The following BTAF1 variants were observed in gnomAD, a reference collection of about 807,000 sequenced individuals.
The protein encoded by BTAF1 is B-TFIID TATA-box binding protein associated factor 1.
A neutral mutation model predicts 227.1 loss-of-function variants in BTAF1; 38 were observed. That is an observed-to-expected ratio of 0.17 (90% CI 0.13 to 0.22). The LOEUF is 0.22. BTAF1 is among the 10% of genes least tolerant of loss of function. The pLI is 1.00. For synonymous variants in BTAF1, 742 were observed against 751.9 expected (o/e 0.99, Z 0.21); for missense variants, 1,598 against 2,204.0 (o/e 0.73, Z 5.51).
intron 25 of BTAF1, among the ~76,000 whole-genome samples, chr10:92,007,083 A>G (rs905513923): frequency 6.6e-6 from 1 of 151,626 alleles, no homozygotes; most frequent in African/African-American, 2.4e-5. Context: ...TCCTCAACAG[A>G]TTGTACTTTG....
Position 92,009,177 on chromosome 10 carries a change from C to T in BTAF1, c.4072C>T (p.His1358Tyr). 1 of 1,614,032 alleles carries T rather than the reference C, an allele frequency of 6.2e-7. No individual in the cohort carries two copies. The highest frequency in any genetic ancestry group is 8.5e-7 in the Non-Finnish European group (1 of 1,179,954). ...FCSREYLNPL[H>Y]YTGPPTERIR... ...CTCTAGAGAATATCTCAACCCGTTG[C>T]ATTACACTGGACCTCCCACTGAAAG... is the stretch of plus-strand genomic sequence containing the variant. Residue 1358 changes from histidine to tyrosine, a missense_variant, in exon 28 of 38, where the codon CAT (histidine) becomes TAT (tyrosine). Physicochemically the swap from His to Tyr is moderately conservative, Grantham distance 83. Coordinates refer to ENST00000265990, the MANE Select transcript of BTAF1 (RefSeq NM_003972.3).
intron 1 of BTAF1, among the ~76,000 whole-genome samples, chr10:91,924,326 C>T (rs952587249): frequency 6.6e-6 from 1 of 152,158 alleles, no homozygotes. Context: ...CACGTTAGAG[C>T]TGTTTTTTCT....
At chr10:91,950,253 CTT>C (rs1216279036) in intron 4 of BTAF1, among the ~76,000 whole-genome samples, 7 of 150,984 alleles carry the variant, frequency 4.6e-5, no homozygotes, top group South Asian at 2.1e-4. Context: ...AAAGGGGAAA[CTT>C]TTGTTTTTTG....
chr10:92,004,680 G>A (rs1413504177), intron 25 of BTAF1, among the ~76,000 whole-genome samples: 2 of 151,824 alleles, frequency 1.3e-5, no homozygotes, highest in Non-Finnish European at 2.9e-5. Flanking sequence ...TGTTTACCCC[G>A]GGCTGGTCTT....
chr10:91,950,682 T>C (rs1845711927), intron 4 of BTAF1, among the ~76,000 whole-genome samples: 1 of 152,186 alleles, frequency 6.6e-6, no homozygotes, highest in African/African-American at 2.4e-5. Context: ...CAGCTCAGAA[T>C]ACATAAAGGC....
At chr10:91,941,687 G>A (rs144755612) in intron 3 of BTAF1, among the ~76,000 whole-genome samples, 40 of 152,268 alleles carry the variant, frequency 2.6e-4, no homozygotes, top group Non-Finnish European at 4.7e-4. Context: ...TACATTCTGC[G>A]AATATTTTTG....
At chr10:92,015,138 T>C (rs995126733) in intron 32 of BTAF1, among the ~76,000 whole-genome samples, 3 of 152,248 alleles carry the variant, frequency 2.0e-5, no homozygotes, top group African/African-American at 7.2e-5. Flanking sequence ...AAATAAATTT[T>C]GCCTTGTGCA....
chr10:91,958,239 A>T (rs746683895), intron 8 of BTAF1, among the ~76,000 whole-genome samples: 2 of 151,858 alleles, frequency 1.3e-5, no homozygotes, highest in African/African-American at 2.4e-5. Flanking sequence ...TTTATTAGAG[A>T]TGGGGCTTCA....
chr10:92,025,810 CAAAAAAAAAAAAA>C (rs71025383), intron 35 of BTAF1, among the ~76,000 whole-genome samples: 5 of 86,900 alleles, frequency 5.8e-5, no homozygotes, highest in African/African-American at 9.3e-5. Context: ...GACTCTGTCT[CAAAAAAAAAAAAA>C]AAAAAAAAAC....
rs185384892 is a variant in BTAF1, at chr10:91,992,484, T to G, written c.3045+175T>G. ...AAAACGGCAAACTTCAAATATCTCATGTCTCTTGTAATTTTTACCAGCTTA... is the reference window on the plus strand; with the variant it reads ...AAAACGGCAAACTTCAAATATCTCAGGTCTCTTGTAATTTTTACCAGCTTA... On this transcript the variant is annotated intron_variant, in intron 21 of 37. Coordinates refer to ENST00000265990, the MANE Select transcript of BTAF1 (RefSeq NM_003972.3). 4.6e-5 allele frequency among the ~76,000 whole-genome samples: 7 copies of G among 152,274 alleles called. No homozygotes were observed. The East Asian group carries it at 1.4e-3, about 29-fold the overall frequency.
chr10:91,947,926 T>C (rs1845491951), intron 4 of BTAF1, among the ~76,000 whole-genome samples: 1 of 152,172 alleles, frequency 6.6e-6, no homozygotes, highest in African/African-American at 2.4e-5. Flanking sequence ...ATAGAATTGT[T>C]TTCTTAATTT....
chr10:91,962,914 T>C (rs1846622487), intron 12 of BTAF1, among the ~76,000 whole-genome samples: 1 of 152,138 alleles, frequency 6.6e-6, no homozygotes, highest in Admixed American at 6.5e-5. Context: ...TTGAGAAGAA[T>C]GCAGCCATTT....
chr10:91,991,012 C>T (rs1304613148), intron 20 of BTAF1, among the ~76,000 whole-genome samples: 1 of 151,498 alleles, frequency 6.6e-6, no homozygotes, highest in Non-Finnish European at 1.5e-5. Context: ...TTTGGGAGGC[C>T]GAGGCGGGTG....
At position 92,029,315 on chromosome 10, in the gene BTAF1, T is replaced by A. The variant is rs1017566350; in HGVS notation, c.*382T>A. On this transcript the variant is annotated 3_prime_UTR_variant, in exon 38 of 38. Coordinates refer to ENST00000265990, the MANE Select transcript of BTAF1 (RefSeq NM_003972.3). ...TATGTTTTTTCTTTTAAATAGAACT[T>A]GTTTTTATAATTGATTTAAAATAGG... 1.3e-5 allele frequency: 2 copies of A among 153,950 alleles called. No homozygotes were observed. Among genetic ancestry groups the A allele is most frequent in the South Asian group, 4.1e-4 (2 of 4,836 alleles). 9.5% of individuals were successfully genotyped at this position (153,950 alleles called of 1,614,324 possible). A position where few individuals can be genotyped will look rare whatever the true frequency, so the allele number is the denominator to read the frequency against.
At position 91,997,596 on chromosome 10, in the gene BTAF1, T is replaced by C; in HGVS notation, c.3512-7T>C. ...CCATTTCAAAATTTCCTTAATCACTTACTCAGGTGTAATGGAACAACTAGA... is the reference window on the plus strand; with the variant it reads ...CCATTTCAAAATTTCCTTAATCACTCACTCAGGTGTAATGGAACAACTAGA... On this transcript the variant is annotated splice_region_variant and splice_polypyrimidine_tract_variant and intron_variant, in intron 24 of 37. Transcript: ENST00000265990. 1 of 1,611,422 alleles carries C rather than the reference T, an allele frequency of 6.2e-7. No homozygotes were observed. The highest frequency in any genetic ancestry group is 8.5e-7 in the Non-Finnish European group (1 of 1,178,474).
At chr10:91,991,775 ATG>A (rs376156562) in intron 20 of BTAF1, among the ~76,000 whole-genome samples, 71 of 81,496 alleles carry the variant, frequency 8.7e-4, no homozygotes, top group African/African-American at 4.5e-3. Flanking sequence ...AATTATATAT[ATG>A]TGTGTGTGTG....
Position 91,989,276 on chromosome 10 carries a change from A to G in BTAF1, c.2550A>G (p.Gln850=). 1 of 1,614,220 alleles carries G rather than the reference A, an allele frequency of 6.2e-7. No homozygotes were observed. Among genetic ancestry groups the G allele is most frequent in the Non-Finnish European group, 8.5e-7 (1 of 1,180,048 alleles). Residue 850 remains glutamine (Q), a synonymous_variant, in exon 20 of 38, where the codon CAA becomes CAG. Transcript: ENST00000265990. The stretch of plus-strand genomic sequence containing the variant: ...TTACAGAGACCAACCAGGAGTGGCA[A>G]GTGTTGCAGTTGAGAGTGCATACTT... ...MTVTETNQEW[Q]VLQLRVHTFA...
Position 91,993,864 on chromosome 10 carries a change from A to G in BTAF1, c.3199+17A>G, listed in dbSNP as rs1199977906. 2 of 1,551,154 alleles carry G rather than the reference A, an allele frequency of 1.3e-6. No individual in the cohort carries two copies. Among genetic ancestry groups the G allele is most frequent in the Admixed American group, 1.8e-5 (1 of 55,254 alleles). On this transcript the variant is annotated intron_variant, in intron 22 of 37. Transcript: ENST00000265990. ...ATAATTTTGGTATACACATATTTTTATGAGTCCAGTTTTTAACAAATTTTA... is the reference window on the plus strand; with the variant it reads ...ATAATTTTGGTATACACATATTTTTGTGAGTCCAGTTTTTAACAAATTTTA...
At position 92,016,333 on chromosome 10, in the gene BTAF1, T is replaced by A; in HGVS notation, c.4585-7T>A. ...TTAAAGCTTCTCCCACGGGGGCCAT[T>A]TTACAGGTTCAGCTCTATGAAGATT... On this transcript the variant is annotated splice_polypyrimidine_tract_variant and splice_region_variant and intron_variant, in intron 32 of 37. Coordinates refer to ENST00000265990, the MANE Select transcript of BTAF1 (RefSeq NM_003972.3). The A allele has an allele frequency of 6.3e-7, 1 of 1,588,238 alleles. No homozygotes were observed. The highest frequency in any genetic ancestry group is 2.3e-5 in the East Asian group (1 of 44,002).
Sources: allele counts gnomAD v4.1 joint callset (sites outside exome capture counted in the v4.1 genomes callset), GRCh38; gene constraint gnomAD v4.1.1; transcripts MANE v1.5; gene names NCBI Gene and HGNC (gene_info 2026-07-23, HGNC 2026-07-21).